Variants in WDR25 observed in about 807,000 individuals in gnomAD.
The protein encoded by WDR25 is WD repeat domain 25.
In WDR25, 35 loss-of-function variants were observed where a neutral mutation model predicts 47.7. That is an observed-to-expected ratio of 0.73 (90% CI 0.56 to 0.97). WDR25 has a LOEUF of 0.97. Among genes scored for constraint, WDR25 ranks in the 50% least tolerant of loss-of-function variants. WDR25 has a pLI of 0.00. For missense variants in WDR25, 634 were observed against 704.7 expected (o/e 0.90, Z 1.14); for synonymous variants, 248 against 278.9 (o/e 0.89, Z 1.10).
intron 4 of WDR25, among the ~76,000 whole-genome samples, chr14:100,521,189 C>T (rs1252657814): frequency 6.6e-6 from 1 of 151,280 alleles, no homozygotes; most frequent in Admixed American, 6.6e-5. Context: ...GACACACACA[C>T]ACACACACAC....
intron 2 of WDR25, among the ~76,000 whole-genome samples, chr14:100,459,902 A>C (rs970175595): frequency 2.6e-5 from 1 of 38,766 alleles, no homozygotes; most frequent in African/African-American, 9.1e-5. Context: ...GTGTATATAT[A>C]TATATATATA....
chr14:100,412,858 CTTGCTCTGTT>C (rs1198300957), intron 2 of WDR25, among the ~76,000 whole-genome samples: 3 of 152,184 alleles, frequency 2.0e-5, no homozygotes, highest in Non-Finnish European at 4.4e-5. Context: ...TTGAGACAGT[CTTGCTCTGTT>C]GCCCAGGCTG....
chr14:100,485,385 GT>G lies in WDR25; in HGVS notation c.1101+1265del, dbSNP rs1290363375. Among the ~76,000 whole-genome samples, 7 of 152,316 alleles carry G rather than the reference GT, an allele frequency of 4.6e-5. No homozygotes were observed. The East Asian group carries it at 1.3e-3, about 29-fold the overall frequency. On this transcript the variant is annotated intron_variant, in intron 4 of 6. Coordinates refer to ENST00000402312, the MANE Select transcript of WDR25 (RefSeq NM_001161476.3). ...AATGTAAGCTCTTTGAAGGCAGAGA[GT>G]TTTGTTTGCTGCTGACATCTAGCTT...
At chr14:100,383,529 C>T (rs1045364822) in intron 2 of WDR25, among the ~76,000 whole-genome samples, 1 of 152,260 alleles carries the variant, frequency 6.6e-6, no homozygotes, top group Non-Finnish European at 1.5e-5. Flanking sequence ...TACCTGCCCG[C>T]TCACCTCTGG....
chr14:100,476,458 A>G (rs1334741964), intron 3 of WDR25: 2 of 152,212 alleles, frequency 1.3e-5, no homozygotes, highest in South Asian at 2.1e-4. Context: ...CACAAGCTCA[A>G]TTACCACAAG....
At chr14:100,411,333 C>A (rs1897701864) in intron 2 of WDR25, among the ~76,000 whole-genome samples, 1 of 152,038 alleles carries the variant, frequency 6.6e-6, no homozygotes, top group African/African-American at 2.4e-5. Flanking sequence ...GGTCACAATT[C>A]CCTTAGTGCC....
intron 2 of WDR25, among the ~76,000 whole-genome samples, chr14:100,459,461 A>G (rs1743841496): frequency 2.0e-5 from 3 of 152,194 alleles, no homozygotes; most frequent in Admixed American, 1.3e-4. Flanking sequence ...CCAATTTATC[A>G]TGGGATGAAT....
intron 4 of WDR25, 92 bp downstream of exon 4, chr14:100,484,216 A>C: frequency 7.2e-7 from 1 of 1,381,020 alleles, no homozygotes; most frequent in East Asian, 2.4e-5. Context: ...TATATATAGG[A>C]CCCTTGAGGT....
rs951188856 is a variant in WDR25, at chr14:100,452,495, A to G, written c.823-15526A>G. ...GTTTAGATCGTGTGGTTCAGGGAAC[A>G]TCTCTCTGAGTAGAGACTTGAGGGA... is the stretch of plus-strand genomic sequence containing the variant. On this transcript the variant is annotated intron_variant, in intron 2 of 6. Coordinates refer to ENST00000402312, the MANE Select transcript of WDR25 (RefSeq NM_001161476.3). 1.2e-4 allele frequency among the ~76,000 whole-genome samples: 18 copies of G among 152,212 alleles called. 1 individual carries two copies. Among genetic ancestry groups the G allele is most frequent in the Non-Finnish European group, 1.5e-5 (1 of 68,036 alleles).
chr14:100,500,474 C>T lies in WDR25; in HGVS notation c.1101+16350C>T, dbSNP rs1900883357. Among the ~76,000 whole-genome samples, 1 of 152,180 alleles carries T rather than the reference C, an allele frequency of 6.6e-6. No individual in the cohort carries two copies. The highest frequency in any genetic ancestry group is 2.4e-5 in the African/African-American group (1 of 41,444). On this transcript the variant is annotated intron_variant, in intron 4 of 6. Transcript: ENST00000402312. This position sits in a 1 kb window ranked among gnomAD's most constrained non-coding sequence, Gnocchi z 4.7. ...GCACGGGGCATTCTCTGTGGCCCAG[C>T]CCAAGGCCAGTGCACCACAAAGTGG... is the stretch of plus-strand genomic sequence containing the variant.
intron 2 of WDR25, among the ~76,000 whole-genome samples, chr14:100,409,283 G>T (rs905755253): frequency 6.6e-6 from 1 of 152,198 alleles, no homozygotes; most frequent in Non-Finnish European, 1.5e-5. Context: ...CGTGTCTGGC[G>T]CAAGGTGATG....
chr14:100,421,499 A>C (rs1245743688), intron 2 of WDR25, among the ~76,000 whole-genome samples: 4 of 152,158 alleles, frequency 2.6e-5, no homozygotes, highest in Non-Finnish European at 2.9e-5. Context: ...GCTGAGTAGA[A>C]ATGAGTGATT....
chr14:100,466,497 T>A (rs1366582267), intron 2 of WDR25, among the ~76,000 whole-genome samples: 1 of 152,252 alleles, frequency 6.6e-6, no homozygotes, highest in Non-Finnish European at 1.5e-5. Flanking sequence ...TTGGTTTTCC[T>A]AATGGAACAG....
intron 2 of WDR25, chr14:100,454,669 G>A (rs756543384): frequency 3.5e-5 from 13 of 368,504 alleles, no homozygotes; most frequent in Non-Finnish European, 5.8e-5. Context: ...CTAAGCATAG[G>A]CTCCAGTCTG....
At position 100,404,467 on chromosome 14, in the gene WDR25, C is replaced by CT. The variant is rs1223864320; in HGVS notation, c.822+22723dup. 5.3e-5 allele frequency among the ~76,000 whole-genome samples: 8 copies of CT among 152,224 alleles called. No homozygotes were observed. Among genetic ancestry groups the CT allele is most frequent in the Non-Finnish European group, 1.5e-5 (1 of 68,028 alleles). The stretch of plus-strand genomic sequence containing the variant: ...TTTCTCATGTGGTTTTCACCTTGAC[C>CT]TTACCACCATGGGAGGCAGAGCGCA... On this transcript the variant is annotated intron_variant, in intron 2 of 6. Coordinates refer to ENST00000402312, the MANE Select transcript of WDR25 (RefSeq NM_001161476.3). This position sits in a 1 kb window ranked among gnomAD's most constrained non-coding sequence, Gnocchi z 4.6.
At chr14:100,414,903 CAAAA>C (rs35444675) in intron 2 of WDR25, among the ~76,000 whole-genome samples, 1 of 113,576 alleles carries the variant, frequency 8.8e-6, no homozygotes, top group Non-Finnish European at 1.9e-5. Flanking sequence ...GACTCCATCT[CAAAA>C]AAAAAAAAAA....
At chr14:100,528,591 T>C (rs1049201200) in intron 5 of WDR25, among the ~76,000 whole-genome samples, 1 of 152,188 alleles carries the variant, frequency 6.6e-6, no homozygotes, top group African/African-American at 2.4e-5. Flanking sequence ...TCTATGAGGC[T>C]GCACGTGACT....
chr14:100,491,041 A>C (rs75449692), intron 4 of WDR25, among the ~76,000 whole-genome samples: 1 of 152,170 alleles, frequency 6.6e-6, no homozygotes, highest in African/African-American at 2.4e-5. Flanking sequence ...CCATTTCCTC[A>C]TCTGTCAACT....
At chr14:100,420,907 G>C (rs769888359) in intron 2 of WDR25, among the ~76,000 whole-genome samples, 4 of 152,196 alleles carry the variant, frequency 2.6e-5, no homozygotes, top group Non-Finnish European at 4.4e-5. Flanking sequence ...CTGTCCCACT[G>C]TCCTGGATGT....
Sources: allele counts gnomAD v4.1 joint callset (sites outside exome capture counted in the v4.1 genomes callset), GRCh38; gene constraint gnomAD v4.1.1; non-coding constraint Gnocchi (gnomAD v3.1); transcripts MANE v1.5; gene names NCBI Gene and HGNC (gene_info 2026-07-23, HGNC 2026-07-21).